FADS2: variants seen among roughly 807,000 people sequenced by gnomAD.
FADS2 encodes fatty acid desaturase 2.
Under a neutral mutation model 61.2 loss-of-function variants are expected in FADS2, and 18 were observed. That is an observed-to-expected ratio of 0.29 (90% confidence interval 0.20 to 0.44). The LOEUF (loss-of-function observed/expected upper bound fraction) is 0.44, where lower values mean the gene tolerates loss of function less well. Among genes scored for constraint, FADS2 ranks in the 20% least tolerant of loss-of-function variants. FADS2 has a pLI of 1.00. For missense variants in FADS2, 322 were observed against 572.7 expected (o/e 0.56, Z 4.47); for synonymous variants, 203 against 223.9 (o/e 0.91, Z 0.83).
At chr11:61,851,489 A>C (rs370673448) in intron 5 of FADS2, among the ~76,000 whole-genome samples, 1 of 152,226 alleles carries the variant, frequency 6.6e-6, no homozygotes, top group Non-Finnish European at 1.5e-5. Flanking sequence ...TCTCACACTC[A>C]TGGGGAAAGG....
chr11:61,862,911 C>A lies in FADS2; in HGVS notation c.883-61C>A, dbSNP rs111788347. On this transcript the variant is annotated intron_variant, in intron 7 of 11. Transcript: ENST00000278840. ...GTGAGGTGTGTGCACATCTGGGGCACGCACTTGGTGCCAGGGCAGAGGAGA... is the reference window on the plus strand; with the variant it reads ...GTGAGGTGTGTGCACATCTGGGGCAAGCACTTGGTGCCAGGGCAGAGGAGA... The A allele has an allele frequency of 6.4e-5, 87 of 1,351,440 alleles. No individual in the cohort carries two copies. In the East Asian group the frequency reaches 8.5e-4, roughly 13 times the overall value. The allele number at this position is 1,351,440 out of a possible 1,614,324, so 83.7% of individuals were successfully genotyped here. A position where few individuals can be genotyped will look rare whatever the true frequency, so the allele number is the denominator to read the frequency against.
At chr11:61,840,070 G>A (rs1163114454) in intron 2 of FADS2, among the ~76,000 whole-genome samples, 4 of 152,242 alleles carry the variant, frequency 2.6e-5, no homozygotes, top group African/African-American at 7.2e-5. Flanking sequence ...AACACAGGGT[G>A]TATAAAATGC....
At chr11:61,850,338 C>A (rs532635512) in intron 5 of FADS2, among the ~76,000 whole-genome samples, 1 of 152,156 alleles carries the variant, frequency 6.6e-6, no homozygotes, top group South Asian at 2.1e-4. Flanking sequence ...GCAACCTCCA[C>A]CTCCCAGGTT....
In FADS2 at chr11:61,849,770, C is replaced by G. The variant is rs569964743; in HGVS notation, c.744+1486C>G. 6 of 152,250 alleles carry G rather than the reference C, an allele frequency of 3.9e-5. No individual in the cohort carries two copies. In the East Asian group the frequency reaches 1.2e-3, roughly 29 times the overall value. 9.4% of individuals were successfully genotyped at this position (152,250 alleles called of 1,614,324 possible). A position where few individuals can be genotyped will look rare whatever the true frequency, so the allele number is the denominator to read the frequency against. ...TTAGGCCAGCTGTGGTGGCTCACACCTGTAATCCCAGCGCTTTGGGAGGCT... is the reference window on the plus strand; with the variant it reads ...TTAGGCCAGCTGTGGTGGCTCACACGTGTAATCCCAGCGCTTTGGGAGGCT... On this transcript the variant is annotated intron_variant, in intron 5 of 11. Transcript: ENST00000278840.
At position 61,828,579 on chromosome 11, in the gene FADS2, C is replaced by T. The variant is rs1455528408; in HGVS notation, c.189C>T (p.Tyr63=). 1.2e-6 allele frequency: 2 copies of T among 1,613,746 alleles called. No individual in the cohort carries two copies. Among genetic ancestry groups the T allele is most frequent in the South Asian group, 1.1e-5 (1 of 90,970 alleles). The change falls in exon 1 of 12, where the codon TAC becomes TAT. Residue 63 remains tyrosine, a synonymous_variant. Transcript: ENST00000278840. This position sits in a 1 kb window ranked among gnomAD's most constrained non-coding sequence, Gnocchi z 6.4. Reference sequence around the variant, plus strand: ...GGGGCCAGCGGGTCATCGGGCACTACGCTGGAGAAGATGCAACGGTAAGGG... The same window carrying T: ...GGGGCCAGCGGGTCATCGGGCACTATGCTGGAGAAGATGCAACGGTAAGGG... ...HPGGQRVIGH[Y]AGEDATDAFR...
upstream of FADS2, chr11:61,816,246 G>C (rs1174262704): frequency 6.3e-7 from 1 of 1,596,840 alleles, no homozygotes; most frequent in Admixed American, 1.7e-5. This position sits in a 1 kb window ranked among gnomAD's most constrained non-coding sequence, Gnocchi z 7.0. Context: ...TCGGGGTTCT[G>C]TCCCCGCCCA....
Position 61,866,870 on chromosome 11 carries a change from G to GACA in FADS2, c.*1181_*1182insACA, listed in dbSNP as rs2067475708. On this transcript the variant is annotated 3_prime_UTR_variant, in exon 12 of 12. Transcript: ENST00000278840. ...TGGCCTTGCCTCGGTGGCCCTGACT[G>GACA]TCAGGGAGGGCCAGGGAGGCAGAGC... The GACA allele has an allele frequency of 6.6e-6, 1 of 152,590 alleles. No homozygotes were observed. Among genetic ancestry groups the GACA allele is most frequent in the Non-Finnish European group, 1.5e-5 (1 of 68,244 alleles). The allele number at this position is 152,590 out of a possible 1,614,324, so 9.5% of individuals were successfully genotyped here.
intron 1 of FADS2, chr11:61,817,065 A>T: frequency 9.3e-7 from 1 of 1,079,432 alleles, no homozygotes; most frequent in Non-Finnish European, 1.2e-6. Flanking sequence ...TCCTGACGTC[A>T]GGCGGGCATC....
At chr11:61,861,003 G>A (rs562467764) in intron 7 of FADS2, among the ~76,000 whole-genome samples, 1 of 152,056 alleles carries the variant, frequency 6.6e-6, no homozygotes, top group Admixed American at 6.6e-5. Flanking sequence ...ACAGGCATTC[G>A]AGACCAGCCT....
At chr11:61,831,401 C>T (rs1415787273) in intron 1 of FADS2, among the ~76,000 whole-genome samples, 1 of 152,134 alleles carries the variant, frequency 6.6e-6, no homozygotes, top group Non-Finnish European at 1.5e-5. Context: ...GCAGTCATTC[C>T]TAACACAAGG....
chr11:61,837,112 GA>G (rs201977039), intron 1 of FADS2, among the ~76,000 whole-genome samples: 1 of 151,910 alleles, frequency 6.6e-6, no homozygotes, highest in African/African-American at 2.4e-5. Flanking sequence ...TTATAATTGG[GA>G]AAAAAAGATT....
At chr11:61,818,141 G>C (rs1456055390) in intron 1 of FADS2, among the ~76,000 whole-genome samples, 3 of 152,240 alleles carry the variant, frequency 2.0e-5, no homozygotes, top group Admixed American at 2.0e-4. Flanking sequence ...GTAGGAGTCA[G>C]GAGAGGGTGA....
At chr11:61,825,202 C>T (rs1385458021), upstream of FADS2, among the ~76,000 whole-genome samples, 1 of 152,144 alleles carries the variant, frequency 6.6e-6, no homozygotes, top group Non-Finnish European at 1.5e-5. Flanking sequence ...GTAAATGGTC[C>T]CATTATCTAT....
chr11:61,826,834 C>T (rs145929248), upstream of FADS2, among the ~76,000 whole-genome samples: 25 of 152,250 alleles, frequency 1.6e-4, no homozygotes, highest in African/African-American at 5.5e-4. Flanking sequence ...GATCCCCCCA[C>T]CACCCCTGCA....
intron 10 of FADS2, chr11:61,864,077 G>A (rs1227953138): frequency 4.1e-5 from 17 of 415,920 alleles, no homozygotes; most frequent in Non-Finnish European, 6.1e-5. Context: ...GCCTGCACAC[G>A]CACCTCATGA....
In FADS2 at chr11:61,846,131, C is replaced by CTTTT. The variant is rs550169322; in HGVS notation, c.619-2013_619-2010dup. On this transcript the variant is annotated intron_variant, in intron 4 of 11. Transcript: ENST00000278840. ...CCTCTAAGCTTTCTTTCTTTCTTTT[C>CTTTT]TTTTTTTTTTTTTTTTTTGAGACAG... Among the ~76,000 whole-genome samples, 4 of 130,456 alleles carry CTTTT rather than the reference C, an allele frequency of 3.1e-5. 1 individual carries two copies. The East Asian group carries it at 7.0e-4, about 23-fold the overall frequency. 85.6% of individuals were successfully genotyped at this position (130,456 alleles called of 152,430 possible). A position where few individuals can be genotyped will look rare whatever the true frequency, so the allele number is the denominator to read the frequency against.
intron 1 of FADS2, among the ~76,000 whole-genome samples, chr11:61,834,437 T>G (rs1332500269): frequency 2.0e-5 from 3 of 152,158 alleles, no homozygotes; most frequent in Non-Finnish European, 4.4e-5. Flanking sequence ...GGGAGTAACA[T>G]GAGCAACACT....
chr11:61,816,820 C>T lies in FADS2; in HGVS notation c.141+394C>T. The T allele has an allele frequency of 1.0e-5, 15 of 1,492,940 alleles. No homozygotes were observed. Among genetic ancestry groups the T allele is most frequent in the Non-Finnish European group, 1.3e-5 (15 of 1,131,920 alleles). 92.5% of individuals were successfully genotyped at this position (1,492,940 alleles called of 1,614,324 possible). ...GGCTGTCAGGCGCGTGCTCGGGGTC[C>T]GCGGGCTCCAGGAGTGGATTTGCTG... On this transcript the variant is annotated intron_variant, in intron 1 of 11. Coordinates refer to the FADS2 transcript ENST00000257261. This position sits in a 1 kb window ranked among gnomAD's most constrained non-coding sequence, Gnocchi z 7.0.
At chr11:61,823,100 T>C (rs903687416) in intron 1 of FADS2, among the ~76,000 whole-genome samples, 5 of 152,236 alleles carry the variant, frequency 3.3e-5, no homozygotes, top group African/African-American at 1.2e-4. Context: ...AGGAAAGGAA[T>C]GGTGTCCTAC....
Sources: gnomAD v4.1 joint callset for allele counts (sites outside exome capture counted in the v4.1 genomes callset) on GRCh38, gnomAD v4.1.1 for gene constraint, Gnocchi (gnomAD v3.1) non-coding constraint, MANE v1.5 for transcripts, NCBI Gene and HGNC (gene_info 2026-07-23, HGNC 2026-07-21) for gene names.